The following PPFIBP2 variants were observed in gnomAD, a reference collection of about 807,000 sequenced individuals.
PPFIBP2 encodes the protein PPFIB scaffold protein 2, also known as liprin-beta-2.
In PPFIBP2, 118 loss-of-function variants were observed where a neutral mutation model predicts 118.3. The ratio of observed to expected loss-of-function variants is 1.00; its 90% CI spans 0.86 to 1.16. The LOEUF (loss-of-function observed/expected upper bound fraction) is 1.16. Among genes scored for constraint, PPFIBP2 ranks in the 50% most tolerant of loss-of-function variants. The probability of loss-of-function intolerance (pLI) is 0.00; values close to 1 mark genes in which losing one functional copy is unlikely to be tolerated. For missense variants in PPFIBP2, 1,195 were observed against 1,073.1 expected (o/e 1.11, Z -1.59); for synonymous variants, 414 against 397.4 (o/e 1.04, Z -0.50).
chr11:7,549,402 T>G, intron 1 of PPFIBP2, 38 bp from the exon 2 acceptor site: 1 of 1,526,890 alleles, frequency 6.5e-7, no homozygotes, highest in South Asian at 1.2e-5. Flanking sequence ...CATGGAACTC[T>G]CTGTAATTTT....
chr11:7,654,443 C>T (rs1854499379), downstream of PPFIBP2, among the ~76,000 whole-genome samples: 2 of 152,258 alleles, frequency 1.3e-5, no homozygotes, highest in South Asian at 4.1e-4. Flanking sequence ...GTCTGATGGC[C>T]TGGGCACGGC....
chr11:7,618,918 C>T (rs1336103340), intron 6 of PPFIBP2, among the ~76,000 whole-genome samples: 6 of 116,392 alleles, frequency 5.2e-5, no homozygotes, highest in South Asian at 6.2e-4. Context: ...TTGTTTTTAA[C>T]GGGCATCAGC....
At chr11:7,583,759 G>C (rs1194314636) in intron 3 of PPFIBP2, among the ~76,000 whole-genome samples, 1 of 152,184 alleles carries the variant, frequency 6.6e-6, no homozygotes, top group Non-Finnish European at 1.5e-5. Context: ...CCAGCCCCTT[G>C]GTTGGAGAGC....
At chr11:7,565,968 G>A (rs1447799526) in intron 3 of PPFIBP2, among the ~76,000 whole-genome samples, 1 of 152,134 alleles carries the variant, frequency 6.6e-6, no homozygotes, top group Non-Finnish European at 1.5e-5. Context: ...TATGCCCTCT[G>A]CCCTTCCATG....
chr11:7,631,493 G>A (rs748033305), intron 11 of PPFIBP2, among the ~76,000 whole-genome samples: 4 of 151,842 alleles, frequency 2.6e-5, no homozygotes, highest in Non-Finnish European at 4.4e-5. Context: ...TGACAGATAC[G>A]CCCTTCAGCC....
rs1360487087 is a variant in PPFIBP2, at chr11:7,653,577, C to G, written c.*359C>G. On this transcript the variant is annotated 3_prime_UTR_variant, in exon 24 of 24. Transcript: ENST00000299492. ...TCCCACGAGGCTCAGCTCTCAGGCA[C>G]CCCCTACACTTCAGTTGAGGGAAAA... The G allele has an allele frequency of 2.3e-6, 3 of 1,306,518 alleles. No homozygotes were observed. The East Asian group carries it at 1.6e-4, about 68-fold the overall frequency. 80.9% of individuals were successfully genotyped at this position (1,306,518 alleles called of 1,614,324 possible).
chr11:7,621,105 C>T, intron 7 of PPFIBP2, 78 bp downstream of exon 7: 1 of 1,138,214 alleles, frequency 8.8e-7, no homozygotes, highest in Non-Finnish European at 1.3e-6. Context: ...TTGGGGGTTT[C>T]CAGTAGCCTA....
At chr11:7,623,046 T>G (rs1849542758) in intron 7 of PPFIBP2, among the ~76,000 whole-genome samples, 1 of 152,218 alleles carries the variant, frequency 6.6e-6, no homozygotes, top group Non-Finnish European at 1.5e-5. Context: ...TATGTTTTTT[T>G]ATTCTCACTT....
At chr11:7,522,005 C>T (rs1849800738) in intron 1 of PPFIBP2, among the ~76,000 whole-genome samples, 2 of 152,064 alleles carry the variant, frequency 1.3e-5, no homozygotes, top group Admixed American at 1.3e-4. Flanking sequence ...AAATTTTATT[C>T]TGATGACATT....
rs1857651879 is a variant in PPFIBP2, at chr11:7,583,936, A to ATTG, written c.280-9196_280-9195insTTG. ...ACATTCTCCTAGGGGTATTCCTTTA[A>ATTG]AGCCTTCAGACTCAATCATTCAAAT... On this transcript the variant is annotated intron_variant, in intron 3 of 23. Transcript: ENST00000299492. 9.2e-5 allele frequency among the ~76,000 whole-genome samples: 14 copies of ATTG among 152,286 alleles called. No individual in the cohort carries two copies. In the South Asian group the frequency reaches 2.9e-3, roughly 32 times the overall value.
intron 1 of PPFIBP2, among the ~76,000 whole-genome samples, chr11:7,518,259 C>T (rs117529954): frequency 1.3e-5 from 2 of 152,080 alleles, no homozygotes; most frequent in Non-Finnish European, 2.9e-5. Context: ...GGAGATGAAC[C>T]GAAGGTTTAA....
the PPFIBP2 span, among the ~76,000 whole-genome samples, chr11:7,662,717 C>T: frequency 5.3e-5 from 8 of 150,454 alleles, no homozygotes; most frequent in African/African-American, 2.4e-5. Flanking sequence ...TGGGGAAGTT[C>T]TCCTGGATAA....
At position 7,606,886 on chromosome 11, in the gene PPFIBP2, A is replaced by ATTTTTTTTTTTTTTTTTTTTTTT. The variant is rs529585905; in HGVS notation, c.487-3385_487-3363dup. ...CTGATCAGAAGACAAAACTGCATGA[A>ATTTTTTTTTTTTTTTTTTTTTTT]TTTTTTTTTTTTTTTTTTTTTTTTT... is the stretch of plus-strand genomic sequence containing the variant. On this transcript the variant is annotated intron_variant, in intron 5 of 23. Transcript: ENST00000299492. Among the ~76,000 whole-genome samples, 6 of 51,440 alleles carry ATTTTTTTTTTTTTTTTTTTTTTT rather than the reference A, an allele frequency of 1.2e-4. 2 individuals are homozygous for ATTTTTTTTTTTTTTTTTTTTTTT. Among genetic ancestry groups the ATTTTTTTTTTTTTTTTTTTTTTT allele is most frequent in the Non-Finnish European group, 2.2e-4 (6 of 26,918 alleles). The allele number at this position is 51,440 out of a possible 152,430, so 33.7% of individuals were successfully genotyped here.
intron 2 of PPFIBP2, 70 bp downstream of exon 2, chr11:7,549,609 C>CTTTTT (rs386373033): frequency 7.5e-4 from 854 of 1,142,964 alleles, no homozygotes; most frequent in Middle Eastern, 8.7e-4. Context: ...TCTCCTTTTA[C>CTTTTT]TTTTTTTTTT....
chr11:7,579,541 T>A (rs997943110), intron 3 of PPFIBP2, among the ~76,000 whole-genome samples: 8 of 152,186 alleles, frequency 5.3e-5, no homozygotes, highest in Non-Finnish European at 2.9e-5. Context: ...CAAATGAAGC[T>A]TTTAATCAAG....
At chr11:7,530,291 A>G (rs946399755) in intron 1 of PPFIBP2, among the ~76,000 whole-genome samples, 4 of 133,736 alleles carry the variant, frequency 3.0e-5, no homozygotes, top group Non-Finnish European at 3.3e-5. Context: ...TGTCCATATT[A>G]CCCAAGGCAA....
chr11:7,648,569 C>T (rs1316158023), intron 18 of PPFIBP2, 32 bp downstream of exon 18: 30 of 1,609,358 alleles, frequency 1.9e-5, no homozygotes, highest in African/African-American at 2.7e-5. Context: ...AGGAGGCTCC[C>T]ATTTCTCCCC....
chr11:7,566,897 T>C (rs7104826), intron 3 of PPFIBP2, among the ~76,000 whole-genome samples: 25,434 of 152,182 alleles, frequency 0.17, 2,150 homozygotes, highest in African/African-American at 0.18. Flanking sequence ...GAAATCACCT[T>C]GAGCCTCTTG....
At chr11:7,553,626 A>G (rs1368033102) in intron 2 of PPFIBP2, among the ~76,000 whole-genome samples, 1 of 152,208 alleles carries the variant, frequency 6.6e-6, no homozygotes, top group Non-Finnish European at 1.5e-5. Flanking sequence ...AATTCTTCTG[A>G]GCCTCAATTT....
Sources: gnomAD v4.1 joint callset for allele counts (sites outside exome capture counted in the v4.1 genomes callset) on GRCh38, gnomAD v4.1.1 for gene constraint, MANE v1.5 for transcripts, NCBI Gene and HGNC (gene_info 2026-07-23, HGNC 2026-07-21) for gene names.